TRAPPC9: variants seen among roughly 807,000 people sequenced by gnomAD.
TRAPPC9 encodes trafficking protein particle complex subunit 9, also known as IKK2 binding protein.
TRAPPC9 carries 83 observed loss-of-function variants against 124.0 expected under a neutral mutation model. The observed-to-expected ratio is 0.67, with a 90% CI of 0.56 to 0.80. The LOEUF (loss-of-function observed/expected upper bound fraction) is 0.80. Ranked by LOEUF, TRAPPC9 falls within the 30% of genes least tolerant of loss-of-function variation. TRAPPC9 has a pLI of 0.00. For missense variants in TRAPPC9, 1,302 were observed against 1,508.3 expected (o/e 0.86, Z 2.27); for synonymous variants, 638 against 617.5 (o/e 1.03, Z -0.49).
rs34124150 is a variant in TRAPPC9 at position 140,152,355 on chromosome 8, C to CTTTTT, written c.2556+69099_2556+69103dup. 1.3e-3 allele frequency among the ~76,000 whole-genome samples: 120 copies of CTTTTT among 93,834 alleles called. 5 individuals are homozygous for CTTTTT. Among genetic ancestry groups the CTTTTT allele is most frequent in the African/African-American group, 3.6e-3 (80 of 22,184 alleles). The allele number at this position is 93,834 out of a possible 152,430, so 61.6% of individuals were successfully genotyped here. A position where few individuals can be genotyped will look rare whatever the true frequency, so the allele number is the denominator to read the frequency against. ...AAATCAGTTTGGGTAATATTGCCAT[C>CTTTTT]TTTTTTTTTTTTTTTTTTTTTTTGA... On this transcript the variant is annotated intron_variant, in intron 17 of 22. Transcript: ENST00000438773.
chr8:140,364,016 A>G (rs565784822), intron 8 of TRAPPC9, among the ~76,000 whole-genome samples: 3 of 152,212 alleles, frequency 2.0e-5, no homozygotes, highest in African/African-American at 7.2e-5. Context: ...AGTTCCACTT[A>G]AGGCTGAAAG....
intron 21 of TRAPPC9, among the ~76,000 whole-genome samples, chr8:139,781,585 T>C (rs1199376107): frequency 6.6e-6 from 1 of 152,242 alleles, no homozygotes; most frequent in Non-Finnish European, 1.5e-5. Context: ...GCATAGAATG[T>C]ACAATGCCAA....
chr8:140,371,995 G>A (rs1203956360), intron 7 of TRAPPC9, among the ~76,000 whole-genome samples: 2 of 152,172 alleles, frequency 1.3e-5, no homozygotes, highest in East Asian at 1.9e-4. Context: ...GAGCCACCAC[G>A]CCCAGCCAAC....
At chr8:139,836,842 C>T (rs954646176) in intron 21 of TRAPPC9, among the ~76,000 whole-genome samples, 105 of 152,240 alleles carry the variant, frequency 6.9e-4, no homozygotes, top group African/African-American at 2.5e-3. Context: ...TGTTTGCCAT[C>T]ATTGCCAGAA....
At chr8:140,275,969 A>T in intron 14 of TRAPPC9, 148 bp from the exon 15 acceptor site, 1 of 674,994 alleles carries the variant, frequency 1.5e-6, no homozygotes, top group Non-Finnish European at 2.6e-6. Context: ...GGAGTTCAGT[A>T]TCCAGCTCTC....
chr8:140,209,784 A>G (rs1212335865), intron 17 of TRAPPC9, among the ~76,000 whole-genome samples: 1 of 152,224 alleles, frequency 6.6e-6, no homozygotes, highest in African/African-American at 2.4e-5. Context: ...TAAAGGGTTT[A>G]TACTCCACTG....
intron 17 of TRAPPC9, among the ~76,000 whole-genome samples, chr8:140,130,800 G>T (rs530123891): frequency 8.1e-4 from 123 of 152,252 alleles, no homozygotes; most frequent in Middle Eastern, 3.4e-3. Flanking sequence ...GACTGAGGGG[G>T]TTCTTTGTAC....
At chr8:140,318,700 A>G (rs1189653327) in intron 9 of TRAPPC9, among the ~76,000 whole-genome samples, 1 of 152,266 alleles carries the variant, frequency 6.6e-6, no homozygotes, top group African/African-American at 2.4e-5. Context: ...CACAAATAAC[A>G]GAATTTCTTC....
intron 21 of TRAPPC9, among the ~76,000 whole-genome samples, chr8:139,732,450 G>T (rs1010232715): frequency 2.6e-5 from 4 of 152,348 alleles, no homozygotes; most frequent in African/African-American, 9.6e-5. Context: ...CAATGGAGGG[G>T]CCTCTGGGAG....
intron 7 of TRAPPC9, 140 bp downstream of exon 7, chr8:140,397,480 A>C: frequency 2.1e-6 from 2 of 951,712 alleles, no homozygotes; most frequent in Non-Finnish European, 3.3e-6. Context: ...TAACCATGTT[A>C]ATTAGAAATC....
At chr8:140,418,119 G>A (rs1410998963) in intron 5 of TRAPPC9, among the ~76,000 whole-genome samples, 2 of 152,126 alleles carry the variant, frequency 1.3e-5, no homozygotes, top group Non-Finnish European at 2.9e-5. Context: ...TAGATGACGG[G>A]TTGATGGGTG....
chr8:140,140,955 T>C (rs1229389355), intron 17 of TRAPPC9, among the ~76,000 whole-genome samples: 1 of 152,230 alleles, frequency 6.6e-6, no homozygotes, highest in African/African-American at 2.4e-5. Flanking sequence ...CCCGAGGAGA[T>C]GTCCAAATGG....
At chr8:139,880,045 C>T (rs1241583736) in intron 21 of TRAPPC9, among the ~76,000 whole-genome samples, 1 of 152,186 alleles carries the variant, frequency 6.6e-6, no homozygotes, top group African/African-American at 2.4e-5. Flanking sequence ...GGGCAAGGTG[C>T]CTGTTCTCCC....
At chr8:140,342,237 T>A (rs367640981) in intron 9 of TRAPPC9, among the ~76,000 whole-genome samples, 1 of 152,174 alleles carries the variant, frequency 6.6e-6, no homozygotes, top group Non-Finnish European at 1.5e-5. Context: ...CTTCGTGACA[T>A]TGCAGAAGGT....
intron 17 of TRAPPC9, among the ~76,000 whole-genome samples, chr8:140,083,125 G>A (rs200453441): frequency 1.7e-4 from 26 of 152,244 alleles, no homozygotes; most frequent in Admixed American, 3.3e-4. Context: ...CCTGGAAGGC[G>A]GAGGTTGCAG....
chr8:140,372,143 A>C (rs1335323670), intron 7 of TRAPPC9, among the ~76,000 whole-genome samples: 1 of 152,270 alleles, frequency 6.6e-6, no homozygotes, highest in East Asian at 1.9e-4. Context: ...AAAATCACAC[A>C]GCCAAGAAGT....
intron 21 of TRAPPC9, among the ~76,000 whole-genome samples, chr8:139,746,675 G>A (rs904421087): frequency 6.6e-6 from 1 of 152,226 alleles, no homozygotes; most frequent in African/African-American, 2.4e-5. Flanking sequence ...TGAGGCTGAT[G>A]TGTTAGGTCC....
chr8:140,112,136 C>T lies in TRAPPC9; in HGVS notation c.2557-88057G>A, dbSNP rs185600020. On this transcript the variant is annotated intron_variant, in intron 17 of 22. Coordinates refer to ENST00000438773, the MANE Select transcript of TRAPPC9 (RefSeq NM_001160372.4). ...GCTTTGGCTCGCCTTGCCTTGGGCACGAGGAGAGTAATGGAGAATTCCAGA... is the reference window on the plus strand; with the variant it reads ...GCTTTGGCTCGCCTTGCCTTGGGCATGAGGAGAGTAATGGAGAATTCCAGA... Among the ~76,000 whole-genome samples the T allele has an allele frequency of 5.3e-5, 8 of 152,354 alleles. No homozygotes were observed. The East Asian group carries it at 9.6e-4, about 18-fold the overall frequency.
In TRAPPC9 at chr8:140,085,511, G is replaced by A. The variant is rs568080991; in HGVS notation, c.2557-61432C>T. Among the ~76,000 whole-genome samples, 72 of 152,242 alleles carry A rather than the reference G, an allele frequency of 4.7e-4. 1 individual carries two copies. The highest frequency in any genetic ancestry group is 3.9e-3 in the Admixed American group (59 of 15,304). ...AATGAGAACCACCAAAACCTCTCTC[G>A]AATGGAAATGCCAGGGAAGCCCCGT... On this transcript the variant is annotated intron_variant, in intron 17 of 22. Transcript: ENST00000438773.
Sources: allele counts gnomAD v4.1 joint callset (sites outside exome capture counted in the v4.1 genomes callset), GRCh38; gene constraint gnomAD v4.1.1; transcripts MANE v1.5; gene names NCBI Gene and HGNC (gene_info 2026-07-23, HGNC 2026-07-21).